Variants in PML observed in about 807,000 individuals in gnomAD.
PML encodes PML nuclear body scaffold, also known as protein PML.
Under a neutral mutation model 65.2 loss-of-function variants are expected in PML, and 28 were observed. The ratio of observed to expected loss-of-function variants is 0.43; its 90% CI spans 0.32 to 0.59. The LOEUF is 0.59. Among genes scored for constraint, PML ranks in the 20% least tolerant of loss-of-function variants. The probability of loss-of-function intolerance (pLI) is 0.08; values close to 1 mark genes in which losing one functional copy is unlikely to be tolerated. For missense variants in PML, 1,021 were observed against 1,203.4 expected, an observed-to-expected ratio of 0.85 and a Z score of 2.24; for synonymous variants, 500 against 508.8, an observed-to-expected ratio of 0.98 and a Z score of 0.23.
chr15:73,998,885 A>C (rs1383768695), intron 2 of PML, among the ~76,000 whole-genome samples: 1 of 152,218 alleles, frequency 6.6e-6, no homozygotes, highest in Non-Finnish European at 1.5e-5. Context: ...GCTGGATTCT[A>C]GGATCAGAGA....
chr15:74,027,886 A>G (rs938573432), intron 4 of PML: 2 of 152,294 alleles, frequency 1.3e-5, no homozygotes, highest in Admixed American at 1.3e-4. Context: ...TGAGGCAGGC[A>G]CAGACGGCTG....
rs2071767268 is a variant in PML, at chr15:74,046,031, A to C, written c.*1023A>C. The C allele has an allele frequency of 8.6e-6, 2 of 232,676 alleles. No homozygotes were observed. Among genetic ancestry groups the C allele is most frequent in the Non-Finnish European group, 1.7e-5 (2 of 117,726 alleles). The allele number at this position is 232,676 out of a possible 1,614,324, so 14.4% of individuals were successfully genotyped here. Reference sequence around the variant, plus strand: ...GAACAGCAGAGAAAGTCCCGTCCCTATCTCTGACTGTGCAGTGAGTGTGGC... The same window carrying C: ...GAACAGCAGAGAAAGTCCCGTCCCTCTCTCTGACTGTGCAGTGAGTGTGGC... On this transcript the variant is annotated 3_prime_UTR_variant, in exon 9 of 9. Coordinates refer to ENST00000268058, the MANE Select transcript of PML (RefSeq NM_033238.3).
chr15:74,035,505 C>G lies in PML; in HGVS notation c.1710+975C>G. 1 of 1,611,974 alleles carries G rather than the reference C, an allele frequency of 6.2e-7. No individual in the cohort carries two copies. The highest frequency in any genetic ancestry group is 8.5e-7 in the Non-Finnish European group (1 of 1,179,762). On this transcript the variant is annotated intron_variant, in intron 7 of 8. Transcript: ENST00000268058. This position sits in a 1 kb window ranked among gnomAD's most constrained non-coding sequence, Gnocchi z 4.1. ...CTTGCACCCTCAATTGCATCGGGCC[C>G]CTATTCGGACTTGGTCTCCCCATGT...
chr15:74,020,057 C>T lies in PML; in HGVS notation c.603-2771C>T, dbSNP rs375037113. Among the ~76,000 whole-genome samples the T allele has an allele frequency of 1.4e-4, 22 of 152,300 alleles. 1 individual carries two copies. The East Asian group carries it at 4.0e-3, about 28-fold the overall frequency. On this transcript the variant is annotated intron_variant, in intron 2 of 8. Transcript: ENST00000268058. ...GAGCAGATCCAAAGAAAGAGGATTG[C>T]TGGGTTAAATGCATTTGTAATTCTG... is the stretch of plus-strand genomic sequence containing the variant.
In PML at chr15:74,034,232, G is replaced by A. The variant is rs187108966; in HGVS notation, c.1658-246G>A. On this transcript the variant is annotated intron_variant, in intron 6 of 8. Transcript: ENST00000268058. ...GGGGGCAAATTCTGAATTCTGGGCA[G>A]ATAACTTAATTGAATATTCATAGAT... 1,370 of 577,158 alleles carry A rather than the reference G, an allele frequency of 2.4e-3. 4 individuals carry two copies. The highest frequency in any genetic ancestry group is 3.5e-3 in the Non-Finnish European group (1,121 of 318,888). The allele number at this position is 577,158 out of a possible 1,614,324, so 35.8% of individuals were successfully genotyped here.
chr15:74,033,324 G>C lies in PML; in HGVS notation c.1567G>C (p.Asp523His). ...CAAGGCAGTCTCACCACCCCACCTG[G>C]ATGGACCGCCTAGCCCCAGGAGCCC... ...TSKAVSPPHL[D>H]GPPSPRSPVI... The change falls in exon 6 of 9, where the codon GAT (aspartate) becomes CAT (histidine). Residue 523 changes from aspartate to histidine, a missense_variant. Coordinates refer to ENST00000268058, the MANE Select transcript of PML (RefSeq NM_033238.3). 6.2e-7 allele frequency: 1 copy of C among 1,614,218 alleles called. No individual in the cohort carries two copies. The highest frequency in any genetic ancestry group is 8.5e-7 in the Non-Finnish European group (1 of 1,180,032).
chr15:74,044,022 A>C (rs562463057), intron 8 of PML, among the ~76,000 whole-genome samples, 199 bp from the exon 9 acceptor site: 7 of 152,276 alleles, frequency 4.6e-5, no homozygotes, highest in African/African-American at 1.7e-4. Context: ...TTTGGAGGGC[A>C]GCCGAGCCTC....
chr15:74,026,113 C>G (rs1438168187), intron 4 of PML: 1 of 152,294 alleles, frequency 6.6e-6, no homozygotes, highest in Admixed American at 6.6e-5. Flanking sequence ...TGTGACTTAC[C>G]CAAGGCTACA....
chr15:74,035,307 A>T lies in PML; in HGVS notation c.1710+777A>T. On this transcript the variant is annotated intron_variant, in intron 7 of 8. Coordinates refer to ENST00000268058, the MANE Select transcript of PML (RefSeq NM_033238.3). This position sits in a 1 kb window ranked among gnomAD's most constrained non-coding sequence, Gnocchi z 4.1. Reference sequence around the variant, plus strand: ...AGGAGCCTCCAGCCTGCCCTGTGGCACATACCACCCCCCAGCTTGGCCTCC... The same window carrying T: ...AGGAGCCTCCAGCCTGCCCTGTGGCTCATACCACCCCCCAGCTTGGCCTCC... 1 of 1,612,978 alleles carries T rather than the reference A, an allele frequency of 6.2e-7. No individual in the cohort carries two copies. Among genetic ancestry groups the T allele is most frequent in the Non-Finnish European group, 8.5e-7 (1 of 1,179,920 alleles).
In PML at chr15:74,023,273, G is replaced by A. The variant is rs749628246; in HGVS notation, c.1048G>A (p.Gly350Ser). 2 of 1,610,674 alleles carry A rather than the reference G, an allele frequency of 1.2e-6. No individual in the cohort carries two copies. Among genetic ancestry groups the A allele is most frequent in the Non-Finnish European group, 1.7e-6 (2 of 1,179,640 alleles). ...GGACCAGGAGGTGCTGGACATGCAC[G>A]GTTTCCTGCGCCAGGCGCTCTGCCG... Reference protein sequence around the residue: ...ASDQEVLDMHGFLRQALCRLR... With the variant: ...ASDQEVLDMHSFLRQALCRLR... The change falls in exon 3 of 9, where the codon GGT (glycine) becomes AGT (serine). Residue 350 changes from glycine to serine, a missense_variant. By Grantham distance (56) the Gly-to-Ser change is moderately conservative. Transcript: ENST00000268058.
At chr15:73,996,931 A>G (rs2069539706) in intron 1 of PML, among the ~76,000 whole-genome samples, 1 of 152,222 alleles carries the variant, frequency 6.6e-6, no homozygotes, top group Non-Finnish European at 1.5e-5. Context: ...TGGCATTTTG[A>G]ACAAAGAATT....
chr15:74,039,838 G>A (rs931658116), intron 7 of PML, among the ~76,000 whole-genome samples: 7 of 152,152 alleles, frequency 4.6e-5, no homozygotes, highest in African/African-American at 1.2e-4. Context: ...TCATACCAGG[G>A]TGTAATACCG....
chr15:74,047,156 TTCTC>T lies in PML; in HGVS notation c.*2152_*2155del, dbSNP rs2071779130. 1 of 230,954 alleles carries T rather than the reference TTCTC, an allele frequency of 4.3e-6. No homozygotes were observed. Among genetic ancestry groups the T allele is most frequent in the African/African-American group, 2.2e-5 (1 of 45,216 alleles). The allele number at this position is 230,954 out of a possible 1,614,324, so 14.3% of individuals were successfully genotyped here. On this transcript the variant is annotated 3_prime_UTR_variant, in exon 9 of 9. Coordinates refer to ENST00000268058, the MANE Select transcript of PML (RefSeq NM_033238.3). ...TGCCCTTCACTGGCTAATCCTGTAC[TTCTC>T]TCTGTGTTCCTTGAGTGACAGGTGG...
rs571180152 is a variant in PML, at chr15:74,046,245, C to G, written c.*1237C>G. On this transcript the variant is annotated 3_prime_UTR_variant, in exon 9 of 9. Transcript: ENST00000268058. ...AGCTCCCATTCCAAACTGTTAGTCC[C>G]CAACCTTGTGGTCACATCAGAGGTC... 22 of 233,270 alleles carry G rather than the reference C, an allele frequency of 9.4e-5. No homozygotes were observed. In the East Asian group the frequency reaches 1.0e-3, roughly 11 times the overall value. 14.5% of individuals were successfully genotyped at this position (233,270 alleles called of 1,614,324 possible). A position where few individuals can be genotyped will look rare whatever the true frequency, so the allele number is the denominator to read the frequency against.
At chr15:74,003,515 G>T (rs142372003) in intron 2 of PML, among the ~76,000 whole-genome samples, 740 of 152,288 alleles carry the variant, frequency 4.9e-3, no homozygotes, top group Non-Finnish European at 7.4e-3. Context: ...ACAAAGAGTA[G>T]AATATAACTA....
intron 4 of PML, among the ~76,000 whole-genome samples, chr15:74,030,651 AAAACAAAC>A (rs71137375): frequency 6.6e-6 from 1 of 151,104 alleles, no homozygotes; most frequent in Non-Finnish European, 1.5e-5. Flanking sequence ...ACTCTGTCTC[AAAACAAAC>A]AAACAAACAA....
At position 74,035,342 on chromosome 15, in the gene PML, C is replaced by T. The variant is rs201226688; in HGVS notation, c.1710+812C>T. The T allele has an allele frequency of 1.4e-4, 219 of 1,611,954 alleles. 2 individuals are homozygous for T. In the Middle Eastern group the frequency reaches 4.6e-3, roughly 34 times the overall value. On this transcript the variant is annotated intron_variant, in intron 7 of 8. Transcript: ENST00000268058. The surrounding 1 kb of genome is among the most constrained non-coding windows in gnomAD (Gnocchi z 4.1). The stretch of plus-strand genomic sequence containing the variant: ...CCCCAGCTTGGCCTCCCCACCAGCC[C>T]GCTGAGCAGGCTGCCACCCCCGATG...
At chr15:74,008,171 G>A (rs980781541) in intron 2 of PML, among the ~76,000 whole-genome samples, 3 of 152,234 alleles carry the variant, frequency 2.0e-5, no homozygotes, top group African/African-American at 7.2e-5. Flanking sequence ...GCCACAGACA[G>A]GAGGGACTGC....
At chr15:74,017,533 C>T (rs778640120) in intron 2 of PML, among the ~76,000 whole-genome samples, 2 of 151,922 alleles carry the variant, frequency 1.3e-5, no homozygotes, top group African/African-American at 2.4e-5. Context: ...CCTGTAGTTC[C>T]GGCTGCTTGG....
Sources: gnomAD v4.1 joint callset for allele counts (sites outside exome capture counted in the v4.1 genomes callset) on GRCh38, gnomAD v4.1.1 for gene constraint, Gnocchi (gnomAD v3.1) non-coding constraint, MANE v1.5 for transcripts, NCBI Gene and HGNC (gene_info 2026-07-23, HGNC 2026-07-21) for gene names.